Variants in DCC observed in about 807,000 individuals in gnomAD.
DCC encodes the protein netrin receptor DCC.
Under a neutral mutation model 172.5 loss-of-function variants are expected in DCC, and 58 were observed. The observed-to-expected ratio is 0.34, with a 90% confidence interval of 0.27 to 0.42. The LOEUF (loss-of-function observed/expected upper bound fraction) is 0.42, where lower values mean the gene tolerates loss of function less well. Ranked by LOEUF, DCC falls within the 10% of genes least tolerant of loss-of-function variation. The probability of loss-of-function intolerance (pLI) is 1.00; values close to 1 mark genes in which losing one functional copy is unlikely to be tolerated. For missense variants in DCC, 1,740 were observed against 1,791.0 expected (o/e 0.97, Z 0.51); for synonymous variants, 709 against 644.5 (o/e 1.10, Z -1.52).
intron 2 of DCC, among the ~76,000 whole-genome samples, chr18:52,783,794 CA>C (rs1477226715): frequency 6.6e-6 from 1 of 151,792 alleles, no homozygotes; most frequent in African/African-American, 2.4e-5. Flanking sequence ...CCTTACAGGG[CA>C]ATACATACTT....
intron 1 of DCC, among the ~76,000 whole-genome samples, chr18:52,494,762 C>T (rs923716665): frequency 5.3e-5 from 8 of 151,998 alleles, no homozygotes; most frequent in Admixed American, 2.0e-4. Context: ...ATAAACTCTT[C>T]GTCTTCTAAT....
chr18:52,695,671 C>A (rs1329232827), intron 1 of DCC, among the ~76,000 whole-genome samples: 1 of 152,112 alleles, frequency 6.6e-6, no homozygotes, highest in African/African-American at 2.4e-5. Flanking sequence ...TCAATGGTAG[C>A]CCTAGTGGAA....
intron 21 of DCC, among the ~76,000 whole-genome samples, chr18:53,426,132 T>G (rs1910921836): frequency 6.6e-6 from 1 of 151,336 alleles, no homozygotes; most frequent in Non-Finnish European, 1.5e-5. Flanking sequence ...GCCTTTTCAG[T>G]TTTTGTCCAC....
In DCC at chr18:53,207,764, G is replaced by A. The variant is rs895813012; in HGVS notation, c.1808G>A (p.Arg603His). Residue 603 changes from arginine to histidine, a missense_variant, in exon 11 of 29, where the codon CGC (arginine) becomes CAC (histidine). Physicochemically the swap from Arg to His is conservative, Grantham distance 29 (BLOSUM62 0). This residue lies in a region of DCC where 1,732 missense variants were observed against 1,767.4 expected (regional missense o/e 0.98). Coordinates refer to ENST00000442544, the MANE Select transcript of DCC (RefSeq NM_005215.4). ...AGTCTTCGATTCTTAGCTTATAATC[G>A]CTATGGTCCGGGCGTCTCTACTGAT... ...EYSLRFLAYN[R>H]YGPGVSTDDI... 1.2e-6 allele frequency: 2 copies of A among 1,613,308 alleles called. No individual in the cohort carries two copies. Among genetic ancestry groups the A allele is most frequent in the South Asian group, 2.2e-5 (2 of 91,058 alleles).
At chr18:52,901,793 C>T (rs2039812148) in intron 2 of DCC, among the ~76,000 whole-genome samples, 1 of 152,150 alleles carries the variant, frequency 6.6e-6, no homozygotes, top group African/African-American at 2.4e-5. Context: ...GAACCTCAGC[C>T]AATGTTTTGT....
rs73957540 is a variant in DCC, at chr18:53,528,092, C to T, written c.4254+1333C>T. 9.7e-3 allele frequency among the ~76,000 whole-genome samples: 1,477 copies of T among 151,956 alleles called. 17 individuals are homozygous for T. The highest frequency in any genetic ancestry group is 0.034 in the African/African-American group (1,404 of 41,502). ...ATAAGTAGGTAACATTTAATCAGTC[C>T]TCTGTAAGCAATGCAACTACCAGGT... is the stretch of plus-strand genomic sequence containing the variant. On this transcript the variant is annotated intron_variant, in intron 28 of 28. Transcript: ENST00000442544.
chr18:52,518,687 T>G (rs924474853), intron 1 of DCC, among the ~76,000 whole-genome samples: 11 of 152,232 alleles, frequency 7.2e-5, no homozygotes, highest in African/African-American at 2.7e-4. Context: ...TCTTCTCTGT[T>G]CTCGTGTGTA....
At chr18:53,439,903 T>G (rs1039481627) in intron 22 of DCC, among the ~76,000 whole-genome samples, 26 of 149,722 alleles carry the variant, frequency 1.7e-4, no homozygotes, top group Admixed American at 1.3e-3. Flanking sequence ...TAGCTGGGAC[T>G]ACAGGCGCCC....
At chr18:52,783,323 CTTTTTTTTTTTTTTTTTTTTTTTTT>C (rs374129823) in intron 2 of DCC, among the ~76,000 whole-genome samples, 31 of 59,260 alleles carry the variant, frequency 5.2e-4, no homozygotes, top group Non-Finnish European at 6.5e-4. Context: ...TACTACTACT[CTTTTTTTTTTTTTTTTTTTTTTTTT>C]TTTTTTTTTT....
intron 7 of DCC, among the ~76,000 whole-genome samples, chr18:53,098,826 C>T (rs1000047574): frequency 5.9e-5 from 9 of 151,976 alleles, no homozygotes; most frequent in African/African-American, 1.9e-4. Context: ...CAGTCACATA[C>T]GGGAGACCCC....
chr18:53,437,617 A>T (rs1207605671), intron 22 of DCC, among the ~76,000 whole-genome samples: 1 of 149,294 alleles, frequency 6.7e-6, no homozygotes, highest in Non-Finnish European at 1.5e-5. Flanking sequence ...AAAAGCTCAC[A>T]GAAGGTGAGA....
chr18:52,598,234 A>G (rs895689840), intron 1 of DCC, among the ~76,000 whole-genome samples: 1 of 152,250 alleles, frequency 6.6e-6, no homozygotes, highest in Non-Finnish European at 1.5e-5. Flanking sequence ...TTTGCAAAGC[A>G]TTATACTAAA....
At chr18:52,728,914 G>C (rs867445944) in intron 1 of DCC, among the ~76,000 whole-genome samples, 4 of 152,172 alleles carry the variant, frequency 2.6e-5, no homozygotes, top group African/African-American at 9.6e-5. Flanking sequence ...TATGTGAATA[G>C]TGTCTGTTTG....
chr18:52,378,953 T>C (rs1287214463), intron 1 of DCC, among the ~76,000 whole-genome samples: 14 of 152,326 alleles, frequency 9.2e-5, no homozygotes, highest in Middle Eastern at 3.4e-3. Context: ...TTGGTTTCTA[T>C]AGCGAGTTTT....
chr18:53,182,840 C>T (rs1049216144), intron 9 of DCC, among the ~76,000 whole-genome samples: 5 of 152,024 alleles, frequency 3.3e-5, no homozygotes, highest in African/African-American at 1.2e-4. Flanking sequence ...CCATCCTTCC[C>T]TCTTTGTTAT....
chr18:53,372,268 G>A (rs1003993546), intron 15 of DCC, among the ~76,000 whole-genome samples: 7 of 152,034 alleles, frequency 4.6e-5, no homozygotes, highest in African/African-American at 7.2e-5. Context: ...CATATACATC[G>A]TGGAATACTA....
chr18:52,623,036 G>A (rs1470848628), intron 1 of DCC, among the ~76,000 whole-genome samples: 1 of 152,128 alleles, frequency 6.6e-6, no homozygotes, highest in Admixed American at 6.5e-5. Context: ...CCTCTAACCA[G>A]GGATCTGCAA....
At chr18:52,581,578 C>T (rs896541717) in intron 1 of DCC, among the ~76,000 whole-genome samples, 7 of 152,192 alleles carry the variant, frequency 4.6e-5, no homozygotes, top group African/African-American at 1.7e-4. Flanking sequence ...GCTTTGATGG[C>T]ATCCCACCTT....
intron 1 of DCC, among the ~76,000 whole-genome samples, chr18:52,599,617 C>A (rs548054170): frequency 6.6e-6 from 1 of 152,020 alleles, no homozygotes; most frequent in Non-Finnish European, 1.5e-5. Flanking sequence ...TGGGTTCAAG[C>A]GATTCTCCTG....
Sources: gnomAD v4.1 joint callset for allele counts (sites outside exome capture counted in the v4.1 genomes callset) on GRCh38, gnomAD v4.1.1 for gene constraint, gnomAD v4.1.1 regional missense constraint, MANE v1.5 for transcripts, NCBI Gene and HGNC (gene_info 2026-07-23, HGNC 2026-07-21) for gene names.